Variants in ARPC4 observed in about 807,000 individuals in gnomAD.
The protein encoded by ARPC4 is actin-related protein 2/3 complex subunit 4.
A neutral mutation model predicts 22.8 loss-of-function variants in ARPC4; 3 were observed. The observed-to-expected ratio is 0.13, with a 90% CI of 0.06 to 0.34. The LOEUF (loss-of-function observed/expected upper bound fraction) is 0.34, where lower values mean the gene tolerates loss of function less well. Ranked by LOEUF, ARPC4 falls within the 10% of genes least tolerant of loss-of-function variation. The pLI is 1.00. For missense variants in ARPC4, 98 were observed against 211.0 expected (o/e 0.46, Z 3.32); for synonymous variants, 80 against 72.5 (o/e 1.10, Z -0.52).
chr3:9,797,971 C>G, intron 2 of ARPC4, 194 bp downstream of exon 2: 1 of 597,474 alleles, frequency 1.7e-6, no homozygotes. Context: ...AGGACAGAAC[C>G]CAGGGGAAAA....
Position 9,794,582 on chromosome 3 carries a change from A to T in ARPC4, c.3+1458A>T, listed in dbSNP as rs547554589. On this transcript the variant is annotated intron_variant, in intron 1 of 5. Coordinates refer to ENST00000397261, the MANE Select transcript of ARPC4 (RefSeq NM_005718.5). ...CCGCTCAGGACACTGAGGCAGGAGGATCACTTGAGCCCAGAAGTTCGAGGC... is the reference window on the plus strand; with the variant it reads ...CCGCTCAGGACACTGAGGCAGGAGGTTCACTTGAGCCCAGAAGTTCGAGGC... Among the ~76,000 whole-genome samples the T allele has an allele frequency of 9.9e-5, 15 of 152,246 alleles. 1 individual carries two copies. The East Asian group carries it at 2.9e-3, about 29-fold the overall frequency.
intron 2 of ARPC4, 135 bp downstream of exon 2, chr3:9,797,912 A>T (rs2078929264): frequency 1.1e-6 from 1 of 935,656 alleles, no homozygotes; most frequent in Non-Finnish European, 1.6e-6. Flanking sequence ...CTGCCAGCTG[A>T]ATGGTGATTC....
In ARPC4 at chr3:9,801,716, G is replaced by A. The variant is rs2079013807; in HGVS notation, c.290G>A (p.Arg97Gln). The A allele has an allele frequency of 6.2e-7, 1 of 1,608,948 alleles. No individual in the cohort carries two copies. The highest frequency in any genetic ancestry group is 1.3e-5 in the African/African-American group (1 of 74,810). The change falls in exon 4 of 6, where the codon CGA becomes CAA. Residue 97 changes from arginine (R) to glutamine (Q), a missense_variant. By Grantham distance (43) the Arg-to-Gln change is conservative (BLOSUM62 1). Transcript: ENST00000397261. ...CHKFMRFMMM[R>Q]AENFFILRRK... is the part of the protein sequence containing the mutation. ...AAGTTCATGCGCTTCATGATGATGC[G>A]AGCAGAGAACTTCTTTATCCTTCGA...
chr3:9,805,031 G>A (rs1288746967), intron 5 of ARPC4, among the ~76,000 whole-genome samples: 1 of 152,220 alleles, frequency 6.6e-6, no homozygotes, highest in Non-Finnish European at 1.5e-5. Context: ...GACCATGTGT[G>A]TAAAACGTAG....
At chr3:9,793,073 G>T, upstream of ARPC4, 2 of 1,545,590 alleles carry the variant, frequency 1.3e-6, no homozygotes, top group South Asian at 2.4e-5. Flanking sequence ...AGGCATCGCG[G>T]GGCTGGCCAC....
At position 9,803,066 on chromosome 3, in the gene ARPC4, G is replaced by T. The variant is rs941050856; in HGVS notation, c.331-777G>T. On this transcript the variant is annotated intron_variant, in intron 4 of 5. Coordinates refer to ENST00000397261, the MANE Select transcript of ARPC4 (RefSeq NM_005718.5). The stretch of plus-strand genomic sequence containing the variant: ...TCCCGGCTAATTTTTTGTATTTTTA[G>T]TAGAGACGGGGTTTCACTGTGTTAG... Among the ~76,000 whole-genome samples the T allele has an allele frequency of 2.9e-4, 44 of 151,882 alleles. 1 individual carries two copies. Among genetic ancestry groups the T allele is most frequent in the Non-Finnish European group, 2.5e-4 (17 of 67,976 alleles).
rs186918495 is a variant in ARPC4, at chr3:9,798,693, G to A, written c.122+916G>A. On this transcript the variant is annotated intron_variant, in intron 2 of 5. Coordinates refer to ENST00000397261, the MANE Select transcript of ARPC4 (RefSeq NM_005718.5). ...GATCGAGAGCATCCTGGCCAACATGGTGAAACCTTGTCTCTACTAAAAATA... is the reference window on the plus strand; with the variant it reads ...GATCGAGAGCATCCTGGCCAACATGATGAAACCTTGTCTCTACTAAAAATA... Among the ~76,000 whole-genome samples, 326 of 152,118 alleles carry A rather than the reference G, an allele frequency of 2.1e-3. 8 individuals carry two copies. Among genetic ancestry groups the A allele is most frequent in the East Asian group, 0.014 (71 of 5,162 alleles).
At chr3:9,801,793 G>A in intron 4 of ARPC4, 37 bp downstream of exon 4, 1 of 1,555,188 alleles carries the variant, frequency 6.4e-7, no homozygotes. Flanking sequence ...CGATACCCAG[G>A]ACCCTGTTAC....
At chr3:9,801,478 G>A (rs1249887540) in intron 3 of ARPC4, among the ~76,000 whole-genome samples, 183 bp from the exon 4 acceptor site, 1 of 152,084 alleles carries the variant, frequency 6.6e-6, no homozygotes, top group Non-Finnish European at 1.5e-5. Context: ...ATTAAGAGAT[G>A]CCCCAAGGTA....
chr3:9,804,147 C>T, intron 5 of ARPC4, 134 bp downstream of exon 5: 1 of 955,514 alleles, frequency 1.0e-6, no homozygotes, highest in Non-Finnish European at 1.5e-6. Flanking sequence ...CCCTGGGGCA[C>T]AGCAGGTCAG....
At chr3:9,792,686 C>CG, upstream of ARPC4, 1 of 1,233,354 alleles carries the variant, frequency 8.1e-7, no homozygotes, top group Non-Finnish European at 1.0e-6. Context: ...GTTAGCCCCG[C>CG]CGAGCGCCAG....
chr3:9,802,629 C>G (rs1430060712), intron 4 of ARPC4, among the ~76,000 whole-genome samples: 1 of 150,926 alleles, frequency 6.6e-6, no homozygotes, highest in African/African-American at 2.4e-5. Context: ...CCTGCCTCGG[C>G]CTCCCAAAGT....
intron 1 of ARPC4, among the ~76,000 whole-genome samples, chr3:9,797,078 G>C (rs927623746): frequency 6.7e-6 from 1 of 148,524 alleles, no homozygotes; most frequent in African/African-American, 2.5e-5. Flanking sequence ...TTATATCATA[G>C]TTATTTTCTG....
At chr3:9,797,916 G>C (rs2078929363) in intron 2 of ARPC4, 139 bp downstream of exon 2, 3 of 898,092 alleles carry the variant, frequency 3.3e-6, no homozygotes, top group Non-Finnish European at 4.9e-6. Flanking sequence ...CAGCTGAATG[G>C]TGATTCCCAA....
intron 3 of ARPC4, 136 bp downstream of exon 3, chr3:9,800,432 CTT>C: frequency 3.9e-6 from 3 of 769,864 alleles, no homozygotes; most frequent in East Asian, 2.8e-5. Context: ...CCTCTGCTTC[CTT>C]TTTTTTTGAC....
rs1020147537 is a variant in ARPC4 at position 9,797,715 on chromosome 3, C to T, written c.60C>T (p.Leu20=). Residue 20 remains leucine (L), a synonymous_variant, in exon 2 of 6, where the codon CTC becomes CTT. Transcript: ENST00000397261. ...TGCGGGCCACATTGCAGGCTGCCCT[C>T]TGCCTGGAGAACTTCTCCTCCCAGG... ...SAVRATLQAA[L]CLENFSSQVV... 1.2e-6 allele frequency: 2 copies of T among 1,614,090 alleles called. No homozygotes were observed. The highest frequency in any genetic ancestry group is 2.2e-5 in the South Asian group (2 of 91,090).
intron 1 of ARPC4, among the ~76,000 whole-genome samples, chr3:9,795,873 GT>G (rs2078871766): frequency 1.3e-5 from 2 of 152,092 alleles, no homozygotes; most frequent in East Asian, 1.9e-4. Flanking sequence ...AGATGGGCGG[GT>G]CACTTGAGGT....
At chr3:9,798,334 AGC>A (rs2078939329) in intron 2 of ARPC4, among the ~76,000 whole-genome samples, 1 of 152,062 alleles carries the variant, frequency 6.6e-6, no homozygotes, top group African/African-American at 2.4e-5. Flanking sequence ...CTGTAATCCG[AGC>A]ACTTTAGGAG....
upstream of ARPC4, chr3:9,792,600 G>T: frequency 8.1e-7 from 1 of 1,230,352 alleles, no homozygotes; most frequent in Non-Finnish European, 1.0e-6. Context: ...GGGTGCGGGT[G>T]GTCGGCCTCA....
Sources: gnomAD v4.1 joint callset for allele counts (sites outside exome capture counted in the v4.1 genomes callset) on GRCh38, gnomAD v4.1.1 for gene constraint, MANE v1.5 for transcripts, NCBI Gene and HGNC (gene_info 2026-07-23, HGNC 2026-07-21) for gene names.